TMTC2: variants seen among roughly 807,000 people sequenced by gnomAD.
TMTC2 encodes the protein transmembrane O-mannosyltransferase targeting cadherins 2, also known as protein O-mannosyl-transferase TMTC2.
A neutral mutation model predicts 82.4 loss-of-function variants in TMTC2; 43 were observed. The observed-to-expected ratio is 0.52, with a 90% CI of 0.41 to 0.67. The LOEUF is 0.67. Among genes scored for constraint, TMTC2 ranks in the 30% least tolerant of loss-of-function variants. The pLI is 0.00. For missense variants in TMTC2, 919 were observed against 1,012.4 expected (o/e 0.91, Z 1.25); for synonymous variants, 408 against 381.9 (o/e 1.07, Z -0.80).
chr12:82,755,834 G>C (rs1399574468), intron 1 of TMTC2, among the ~76,000 whole-genome samples: 1 of 152,028 alleles, frequency 6.6e-6, no homozygotes, highest in African/African-American at 2.4e-5. Context: ...ATTGATTTTT[G>C]TTGTGGTGGT....
At chr12:83,036,653 A>G (rs1881675665) in intron 9 of TMTC2, among the ~76,000 whole-genome samples, 1 of 152,062 alleles carries the variant, frequency 6.6e-6, no homozygotes, top group South Asian at 2.1e-4. Context: ...CAACTTTTAA[A>G]TCCGGAACTT....
At chr12:83,012,539 A>G (rs1880505984) in intron 8 of TMTC2, among the ~76,000 whole-genome samples, 1 of 152,192 alleles carries the variant, frequency 6.6e-6, no homozygotes, top group African/African-American at 2.4e-5. Flanking sequence ...TTTCTTTATT[A>G]TCTTTGTCTC....
At chr12:82,879,182 C>T (rs1428570290) in intron 2 of TMTC2, among the ~76,000 whole-genome samples, 3 of 152,256 alleles carry the variant, frequency 2.0e-5, no homozygotes, top group Non-Finnish European at 4.4e-5. Flanking sequence ...ACCTTGAAGT[C>T]AGGGTGAGAG....
intron 3 of TMTC2, among the ~76,000 whole-genome samples, chr12:82,903,314 T>C (rs375560238): frequency 9.2e-5 from 14 of 152,242 alleles, no homozygotes; most frequent in African/African-American, 3.4e-4. Flanking sequence ...TTTGACATAC[T>C]ATATTTTCTA....
intron 1 of TMTC2, among the ~76,000 whole-genome samples, chr12:82,775,846 T>G (rs982337852): frequency 3.3e-5 from 5 of 152,114 alleles, no homozygotes; most frequent in African/African-American, 1.2e-4. Context: ...CTCAGTTTCC[T>G]TTTATGCTTC....
intron 2 of TMTC2, among the ~76,000 whole-genome samples, chr12:82,878,347 T>C (rs564147853): frequency 6.6e-6 from 1 of 152,342 alleles, no homozygotes; most frequent in East Asian, 1.9e-4. Context: ...ATTTGACCTT[T>C]ACAGTAGTTG....
intron 4 of TMTC2, among the ~76,000 whole-genome samples, chr12:82,941,130 A>G (rs75902659): frequency 0.015 from 2,243 of 152,320 alleles, 56 homozygotes; most frequent in African/African-American, 0.051. Context: ...CAGATTAAAA[A>G]GAGCCAAGTG....
At chr12:82,899,070 C>T (rs1873827671) in intron 3 of TMTC2, among the ~76,000 whole-genome samples, 1 of 152,124 alleles carries the variant, frequency 6.6e-6, no homozygotes, top group African/African-American at 2.4e-5. Flanking sequence ...AATTATTAAA[C>T]ATTTCCTTGG....
At chr12:82,947,544 G>GTGTTAGCCAGGA (rs371818396) in intron 4 of TMTC2, among the ~76,000 whole-genome samples, 4,735 of 144,460 alleles carry the variant, frequency 0.033, 354 homozygotes, top group African/African-American at 0.13. Flanking sequence ...GGGTTTCACC[G>GTGTTAGCCAGGA]TGGTCTCGAT....
intron 11 of TMTC2, among the ~76,000 whole-genome samples, chr12:83,083,205 A>C (rs1466270662): frequency 6.6e-6 from 1 of 152,222 alleles, no homozygotes; most frequent in African/African-American, 2.4e-5. Flanking sequence ...ATTCAAACAG[A>C]ATGAATTTTA....
chr12:82,825,949 A>G (rs78155827), intron 1 of TMTC2, among the ~76,000 whole-genome samples: 173 of 152,234 alleles, frequency 1.1e-3, no homozygotes, highest in African/African-American at 3.9e-3. Flanking sequence ...AGAGTACACA[A>G]ATTATTGCGA....
At chr12:82,746,516 T>G (rs1283284841) in intron 1 of TMTC2, among the ~76,000 whole-genome samples, 3 of 152,180 alleles carry the variant, frequency 2.0e-5, no homozygotes, top group East Asian at 3.9e-4. Context: ...TACACCCACA[T>G]GAACCTTCCT....
At chr12:82,837,051 AG>A (rs1404823809) in intron 1 of TMTC2, among the ~76,000 whole-genome samples, 3 of 152,244 alleles carry the variant, frequency 2.0e-5, no homozygotes, top group Non-Finnish European at 4.4e-5. Flanking sequence ...AGACCATGTT[AG>A]ATTAAAAATG....
intron 1 of TMTC2, among the ~76,000 whole-genome samples, chr12:82,691,276 C>G (rs975637316): frequency 6.6e-6 from 1 of 152,146 alleles, no homozygotes; most frequent in African/African-American, 2.4e-5. Flanking sequence ...TTAAACTCAA[C>G]CAGAATCATT....
chr12:82,876,130 ATGGTGGTGGTGG>A (rs575160141), intron 2 of TMTC2, among the ~76,000 whole-genome samples: 60 of 111,352 alleles, frequency 5.4e-4, no homozygotes, highest in Non-Finnish European at 8.7e-4. Flanking sequence ...GGTATTAGTA[ATGGTGGTGGTGG>A]TGGTGGTGGT....
At chr12:82,863,582 G>A (rs371160110) in intron 2 of TMTC2, among the ~76,000 whole-genome samples, 36 of 152,204 alleles carry the variant, frequency 2.4e-4, no homozygotes, top group African/African-American at 8.7e-4. Flanking sequence ...CTGCAGGCTG[G>A]CTCCCTTGTT....
intron 9 of TMTC2, among the ~76,000 whole-genome samples, chr12:83,034,014 G>T (rs1261684323): frequency 6.6e-6 from 1 of 151,148 alleles, no homozygotes; most frequent in Non-Finnish European, 1.5e-5. Context: ...CAATCAGTAG[G>T]CCCTGCTGTG....
At chr12:83,098,044 G>A (rs191094069) in intron 11 of TMTC2, among the ~76,000 whole-genome samples, 3 of 152,224 alleles carry the variant, frequency 2.0e-5, no homozygotes, top group Non-Finnish European at 1.5e-5. Context: ...TTACAAAGAT[G>A]TCGAGGGCTA....
At chr12:82,812,940 T>G (rs2137051702) in intron 1 of TMTC2, among the ~76,000 whole-genome samples, 1 of 152,228 alleles carries the variant, frequency 6.6e-6, no homozygotes, top group South Asian at 2.1e-4. Flanking sequence ...TAGATTTAAC[T>G]GGTATATGTA....
Sources: gnomAD v4.1 joint callset for allele counts (sites outside exome capture counted in the v4.1 genomes callset) on GRCh38, gnomAD v4.1.1 for gene constraint, MANE v1.5 for transcripts, NCBI Gene and HGNC (gene_info 2026-07-23, HGNC 2026-07-21) for gene names.